AP1M1: variants seen among roughly 807,000 people sequenced by gnomAD.
AP1M1 encodes the protein adaptor related protein complex 1 subunit mu 1, also known as AP-1 complex subunit mu-1.
In AP1M1, 18 loss-of-function variants were observed where a neutral mutation model predicts 57.1. The observed-to-expected ratio is 0.32, with a 90% confidence interval of 0.22 to 0.47. The LOEUF is 0.47. AP1M1 is among the 20% of genes least tolerant of loss of function. The pLI, the probability that AP1M1 is intolerant of heterozygous loss-of-function variation, is 1.00. For synonymous variants in AP1M1, 241 were observed against 237.9 expected (o/e 1.01, Z -0.12); for missense variants, 362 against 593.5 (o/e 0.61, Z 4.05).
In AP1M1 at chr19:16,236,334, C is replaced by T. The variant is rs1262037684; in HGVS notation, c.*1899C>T. On this transcript the variant is annotated 3_prime_UTR_variant, in exon 12 of 12. Coordinates refer to ENST00000291439, the MANE Select transcript of AP1M1 (RefSeq NM_032493.4). ...AGACCTGCAAACCCTCCACTACAGA[C>T]TGTAGAAATGCAGGAAATGAAGCAG... 1 of 152,250 alleles carries T rather than the reference C, an allele frequency of 6.6e-6. No individual in the cohort carries two copies. The highest frequency in any genetic ancestry group is 2.4e-5 in the African/African-American group (1 of 41,444). 9.4% of individuals were successfully genotyped at this position (152,250 alleles called of 1,614,324 possible).
intron 1 of AP1M1, among the ~76,000 whole-genome samples, chr19:16,198,812 T>A (rs1260783612): frequency 6.6e-6 from 1 of 151,978 alleles, no homozygotes; most frequent in African/African-American, 2.4e-5. Flanking sequence ...TCCCTTTTTT[T>A]TTGTTTTGTT....
intron 4 of AP1M1, chr19:16,208,396 C>T: frequency 2.8e-6 from 1 of 352,740 alleles, no homozygotes; most frequent in Non-Finnish European, 5.2e-6. Flanking sequence ...CAGATGCCTT[C>T]AGTACCTTGC....
Position 16,244,886 on chromosome 19 carries a change from TTGTTGTTGTTGTTG to T in AP1M1, c.*10453_*10466del. ...TAACATGGATAAAATTTGTTGTTTG[TTGTTGTTGTTGTTG>T]TTGTTGTTGTTGTTGAGACGGAGTT... On this transcript the variant is annotated 3_prime_UTR_variant, in exon 12 of 12. Transcript: ENST00000291439. The T allele has an allele frequency of 6.7e-6, 1 of 149,418 alleles. No individual in the cohort carries two copies. Among genetic ancestry groups the T allele is most frequent in the Non-Finnish European group, 1.5e-5 (1 of 67,078 alleles). 9.3% of individuals were successfully genotyped at this position (149,418 alleles called of 1,614,324 possible).
chr19:16,232,930 T>G (rs1048432666), intron 9 of AP1M1, among the ~76,000 whole-genome samples: 2 of 152,204 alleles, frequency 1.3e-5, no homozygotes, highest in African/African-American at 4.8e-5. Context: ...AGCCACCCCC[T>G]GCTCACCCTC....
chr19:16,198,901 G>C (rs552636132), intron 1 of AP1M1, among the ~76,000 whole-genome samples: 257 of 151,822 alleles, frequency 1.7e-3, no homozygotes, highest in African/African-American at 6.0e-3. Flanking sequence ...TCCGCCTCCC[G>C]GGTTCAAGCA....
In AP1M1 at chr19:16,238,638, G is replaced by C. The variant is rs1404392212; in HGVS notation, c.*4203G>C. 1 of 152,106 alleles carries C rather than the reference G, an allele frequency of 6.6e-6. No homozygotes were observed. Among genetic ancestry groups the C allele is most frequent in the Non-Finnish European group, 1.5e-5 (1 of 68,048 alleles). The allele number at this position is 152,106 out of a possible 1,614,324, so 9.4% of individuals were successfully genotyped here. ...TCTCTGAAAGGCAAAAACAGGAAGG[G>C]GGTATGACTGGGGCCTCTGCTGTGT... is the stretch of plus-strand genomic sequence containing the variant. On this transcript the variant is annotated 3_prime_UTR_variant, in exon 12 of 12. Transcript: ENST00000291439.
At chr19:16,222,196 A>T (rs2091547457) in intron 5 of AP1M1, among the ~76,000 whole-genome samples, 1 of 116,568 alleles carries the variant, frequency 8.6e-6, no homozygotes, top group African/African-American at 3.2e-5. Context: ...TATTATTATT[A>T]CTATTATTAT....
At chr19:16,230,324 A>G (rs192670558) in intron 9 of AP1M1, among the ~76,000 whole-genome samples, 1 of 152,322 alleles carries the variant, frequency 6.6e-6, no homozygotes, top group Admixed American at 6.5e-5. Context: ...CTTTTTAGCA[A>G]TAAAGTATGT....
intron 5 of AP1M1, among the ~76,000 whole-genome samples, chr19:16,220,838 T>G (rs2091541022): frequency 6.6e-6 from 1 of 152,260 alleles, no homozygotes; most frequent in Admixed American, 6.5e-5. Context: ...TGACGGTTTT[T>G]GTTTAGCACT....
intron 10 of AP1M1, 120 bp downstream of exon 10, chr19:16,233,738 G>T: frequency 7.5e-7 from 1 of 1,327,004 alleles, no homozygotes; most frequent in East Asian, 2.5e-5. Context: ...CTGCTGTGCT[G>T]TGGGCCTCTG....
chr19:16,234,320 TC>T (rs1263135883), intron 11 of AP1M1, 46 bp downstream of exon 11: 2 of 1,612,666 alleles, frequency 1.2e-6, no homozygotes, highest in Non-Finnish European at 1.7e-6. Flanking sequence ...TGAGGGGTCC[TC>T]TGTGGCTGCC....
chr19:16,235,690 C>G lies in AP1M1; in HGVS notation c.*1255C>G, dbSNP rs567057002. Reference sequence around the variant, plus strand: ...CACAGCAGCATCCCCTGTGTCCTAGCTAGAAATGCAGGTTCGTGGGCCAGC... The same window carrying G: ...CACAGCAGCATCCCCTGTGTCCTAGGTAGAAATGCAGGTTCGTGGGCCAGC... On this transcript the variant is annotated 3_prime_UTR_variant, in exon 12 of 12. Coordinates refer to ENST00000291439, the MANE Select transcript of AP1M1 (RefSeq NM_032493.4). 4.6e-5 allele frequency: 7 copies of G among 152,396 alleles called. No individual in the cohort carries two copies. The highest frequency in any genetic ancestry group is 1.4e-4 in the African/African-American group (6 of 41,574). The allele number at this position is 152,396 out of a possible 1,614,324, so 9.4% of individuals were successfully genotyped here. A position where few individuals can be genotyped will look rare whatever the true frequency, so the allele number is the denominator to read the frequency against.
chr19:16,204,594 TAC>T (rs1332053258), intron 2 of AP1M1, among the ~76,000 whole-genome samples: 1 of 152,178 alleles, frequency 6.6e-6, no homozygotes, highest in African/African-American at 2.4e-5. Flanking sequence ...GCCTTGCCAG[TAC>T]AGTGTGGCCA....
At chr19:16,199,663 T>G (rs1485211421) in intron 1 of AP1M1, among the ~76,000 whole-genome samples, 9 of 151,844 alleles carry the variant, frequency 5.9e-5, no homozygotes, top group Non-Finnish European at 1.0e-4. Context: ...CCACCCAAAG[T>G]CAACAACTGG....
intron 5 of AP1M1, among the ~76,000 whole-genome samples, chr19:16,219,718 C>T (rs2091535155): frequency 2.0e-5 from 3 of 152,252 alleles, no homozygotes; most frequent in South Asian, 4.1e-4. Flanking sequence ...GTTTTATATA[C>T]ACCTTATGCA....
At chr19:16,222,876 G>A (rs926168171) in intron 5 of AP1M1, among the ~76,000 whole-genome samples, 3 of 152,100 alleles carry the variant, frequency 2.0e-5, no homozygotes, top group African/African-American at 7.2e-5. Flanking sequence ...TTTCTTTGCT[G>A]AGACTTTCTA....
chr19:16,208,100 C>A lies in AP1M1; in HGVS notation c.349C>A (p.Leu117Ile). The A allele has an allele frequency of 6.2e-7, 1 of 1,613,942 alleles. No individual in the cohort carries two copies. Among genetic ancestry groups the A allele is most frequent in the Non-Finnish European group, 8.5e-7 (1 of 1,179,930 alleles). ...TATCATCTACGAGCTGCTGGACGAG[C>A]TCATGGACTTCGGCTACCCCCAGAC... ...FVIIYELLDE[L>I]MDFGYPQTTD... The change falls in exon 4 of 12, where the codon CTC becomes ATC. Residue 117 changes from leucine (L) to isoleucine (I), a missense_variant. By Grantham distance (5) the Leu-to-Ile change is conservative. This residue lies in a region of AP1M1 where 337 missense variants were observed against 511.1 expected (regional missense o/e 0.66). Coordinates refer to ENST00000291439, the MANE Select transcript of AP1M1 (RefSeq NM_032493.4).
Position 16,207,583 on chromosome 19 carries a change from C to T in AP1M1, c.268-436C>T, listed in dbSNP as rs560794885. On this transcript the variant is annotated intron_variant, in intron 3 of 11. Transcript: ENST00000291439. This position sits in a 1 kb window ranked among gnomAD's most constrained non-coding sequence, Gnocchi z 4.2. Reference sequence around the variant, plus strand: ...GCTTCTAACAGCCCCTCTTCTTTGGCGTCCCTTCCTTAACCTTCTGAGCTT... The same window carrying T: ...GCTTCTAACAGCCCCTCTTCTTTGGTGTCCCTTCCTTAACCTTCTGAGCTT... 3.7e-4 allele frequency among the ~76,000 whole-genome samples: 56 copies of T among 152,328 alleles called. 1 individual carries two copies. Among genetic ancestry groups the T allele is most frequent in the Middle Eastern group, 3.4e-3 (1 of 294 alleles).
chr19:16,226,310 G>A, intron 5 of AP1M1, 111 bp from the exon 6 acceptor site: 3 of 1,400,646 alleles, frequency 2.1e-6, no homozygotes, highest in Non-Finnish European at 2.9e-6. Flanking sequence ...GGATGGGCTT[G>A]GAGGTGAGAA....
Sources: gnomAD v4.1 joint callset for allele counts (sites outside exome capture counted in the v4.1 genomes callset) on GRCh38, gnomAD v4.1.1 for gene constraint, gnomAD v4.1.1 regional missense constraint, Gnocchi (gnomAD v3.1) non-coding constraint, MANE v1.5 for transcripts, NCBI Gene and HGNC (gene_info 2026-07-23, HGNC 2026-07-21) for gene names.